The following MSRB3 variants were observed in gnomAD, a reference collection of about 807,000 sequenced individuals.
MSRB3 encodes methionine sulfoxide reductase B3, also known as methionine-R-sulfoxide reductase B3.
MSRB3 carries 13 observed loss-of-function variants against 21.0 expected under a neutral mutation model. The observed-to-expected ratio is 0.62, with a 90% CI of 0.40 to 0.98. MSRB3 has a LOEUF of 0.98. Ranked by LOEUF, MSRB3 falls within the 50% of genes least tolerant of loss-of-function variation. The pLI is 0.00. For synonymous variants in MSRB3, 87 were observed against 88.6 expected (o/e 0.98, Z 0.10); for missense variants, 199 against 230.3 (o/e 0.86, Z 0.88).
intron 5 of MSRB3, among the ~76,000 whole-genome samples, chr12:65,381,276 A>G (rs1172958210): frequency 6.6e-6 from 1 of 152,162 alleles, no homozygotes; most frequent in Non-Finnish European, 1.5e-5. Flanking sequence ...AGGAGGTGAA[A>G]GTACTTACCT....
intron 1 of MSRB3, among the ~76,000 whole-genome samples, chr12:65,301,353 G>C (rs960529141): frequency 1.3e-5 from 2 of 152,146 alleles, no homozygotes; most frequent in Non-Finnish European, 2.9e-5. Flanking sequence ...GTTGGTGCTA[G>C]ACCTTTGTAT....
chr12:65,326,938 A>C lies in MSRB3; in HGVS notation c.185+4A>C, dbSNP rs1207580059. The stretch of plus-strand genomic sequence containing the variant: ...CTCAGGAGAAAGGGACCGAAAGGTA[A>C]GGTGAGCTTTAATAAAAAGTCATTA... On this transcript the variant is annotated splice_donor_region_variant and intron_variant, in intron 3 of 6. Coordinates refer to ENST00000308259, the MANE Select transcript of MSRB3 (RefSeq NM_001031679.3). 1 of 1,608,676 alleles carries C rather than the reference A, an allele frequency of 6.2e-7. No individual in the cohort carries two copies. The highest frequency in any genetic ancestry group is 8.5e-7 in the Non-Finnish European group (1 of 1,175,740).
intron 1 of MSRB3, among the ~76,000 whole-genome samples, chr12:65,291,763 A>T (rs1341924468): frequency 1.3e-5 from 2 of 152,132 alleles, no homozygotes; most frequent in Non-Finnish European, 2.9e-5. Flanking sequence ...AGCAAGAGAG[A>T]GCATGGTTAG....
At chr12:65,335,128 A>G (rs148431314) in intron 4 of MSRB3, among the ~76,000 whole-genome samples, 1 of 152,310 alleles carries the variant, frequency 6.6e-6, no homozygotes, top group African/African-American at 2.4e-5. Context: ...AATGGGGTAA[A>G]TAACACCAAA....
Position 65,454,983 on chromosome 12 carries a change from T to C in MSRB3, c.390+1158T>C, listed in dbSNP as rs114322536. ...ATGTAAAGTCTGCAATATTGTGGCA[T>C]TGAAAGTTATTGACACCACAGGGTA... On this transcript the variant is annotated intron_variant, in intron 6 of 6. Coordinates refer to ENST00000308259, the MANE Select transcript of MSRB3 (RefSeq NM_001031679.3). Among the ~76,000 whole-genome samples the C allele has an allele frequency of 3.3e-3, 505 of 152,320 alleles. 2 individuals carry two copies. Among genetic ancestry groups the C allele is most frequent in the African/African-American group, 0.011 (466 of 41,572 alleles).
chr12:65,349,978 C>T (rs1876825754), intron 4 of MSRB3, among the ~76,000 whole-genome samples: 2 of 152,132 alleles, frequency 1.3e-5, no homozygotes, highest in Middle Eastern at 3.4e-3. Context: ...ACATGACGTC[C>T]TTGCCCATGC....
chr12:65,347,629 A>G (rs1370242163), intron 4 of MSRB3, among the ~76,000 whole-genome samples: 1 of 152,198 alleles, frequency 6.6e-6, no homozygotes, highest in African/African-American at 2.4e-5. Context: ...TATGTTGAAT[A>G]GGAGTGGTGA....
rs1881922595 is a variant in MSRB3, at chr12:65,432,419, GA to G, written c.293-21308del. On this transcript the variant is annotated intron_variant, in intron 5 of 6. Transcript: ENST00000308259. ...AAATTTTAAAAGGGGGGAAAAGCTTGATGGTTCCACAAAAAATAAGAGTTGA... is the reference window on the plus strand; with the variant it reads ...AAATTTTAAAAGGGGGGAAAAGCTTGTGGTTCCACAAAAAATAAGAGTTGA... 3.9e-5 allele frequency among the ~76,000 whole-genome samples: 6 copies of G among 152,076 alleles called. No individual in the cohort carries two copies. In the South Asian group the frequency reaches 1.0e-3, roughly 26 times the overall value.
chr12:65,351,993 G>A (rs1185219032), intron 4 of MSRB3, among the ~76,000 whole-genome samples: 2 of 151,684 alleles, frequency 1.3e-5, no homozygotes, highest in Non-Finnish European at 2.9e-5. Flanking sequence ...TACCAAAGCC[G>A]GACAGAGACA....
intron 4 of MSRB3, among the ~76,000 whole-genome samples, chr12:65,342,852 A>G (rs966912301): frequency 1.3e-5 from 2 of 152,074 alleles, no homozygotes; most frequent in African/African-American, 4.8e-5. Context: ...GAGTATTAAC[A>G]TATGATCCCA....
chr12:65,415,081 C>T (rs1880903124), intron 5 of MSRB3, among the ~76,000 whole-genome samples: 1 of 152,048 alleles, frequency 6.6e-6, no homozygotes, highest in African/African-American at 2.4e-5. Context: ...GGATCAGAGT[C>T]AGCCTGGGGG....
At chr12:65,437,539 A>G (rs531786945) in intron 5 of MSRB3, among the ~76,000 whole-genome samples, 2 of 151,956 alleles carry the variant, frequency 1.3e-5, no homozygotes, top group Admixed American at 6.6e-5. Context: ...ATAACAACAT[A>G]TCTAAGTGAG....
chr12:65,321,549 A>G (rs1383346345), intron 2 of MSRB3, among the ~76,000 whole-genome samples: 2 of 152,184 alleles, frequency 1.3e-5, no homozygotes, highest in African/African-American at 4.8e-5. Flanking sequence ...TTTGAGAGAA[A>G]AATCAGAATT....
intron 5 of MSRB3, among the ~76,000 whole-genome samples, chr12:65,375,666 T>A (rs1005477214): frequency 1.3e-5 from 2 of 152,080 alleles, no homozygotes; most frequent in Non-Finnish European, 2.9e-5. Context: ...CTCAAACTCC[T>A]GGCTTCAAGC....
At chr12:65,368,973 G>A (rs1272686096) in intron 4 of MSRB3, 25 bp from the exon 5 acceptor site, 1 of 1,086,710 alleles carries the variant, frequency 9.2e-7, no homozygotes, top group Admixed American at 2.2e-5. Context: ...TTTTTATATT[G>A]TAAAAACTTT....
intron 2 of MSRB3, among the ~76,000 whole-genome samples, chr12:65,311,331 A>G (rs1156615690): frequency 6.6e-6 from 1 of 152,118 alleles, no homozygotes; most frequent in Admixed American, 6.6e-5. Flanking sequence ...TTGAAAAATG[A>G]GTTGACTAGA....
chr12:65,345,571 A>G lies in MSRB3; in HGVS notation c.263+16968A>G. 1.3e-5 allele frequency among the ~76,000 whole-genome samples: 2 copies of G among 151,958 alleles called. 1 individual carries two copies. The highest frequency in any genetic ancestry group is 2.9e-5 in the Non-Finnish European group (2 of 67,922). ...CACGTAGGAAATGCTAAAGTAGATAAGGAAGATCTTTTTTTTATTATTATT... is the reference window on the plus strand; with the variant it reads ...CACGTAGGAAATGCTAAAGTAGATAGGGAAGATCTTTTTTTTATTATTATT... On this transcript the variant is annotated intron_variant, in intron 4 of 6. Transcript: ENST00000308259.
At chr12:65,419,172 G>T in intron 5 of MSRB3, 1 of 693,288 alleles carries the variant, frequency 1.4e-6, no homozygotes. Flanking sequence ...CCAACTGCAT[G>T]GTGACCACTG....
At chr12:65,389,988 C>G (rs1039857934) in intron 5 of MSRB3, among the ~76,000 whole-genome samples, 4 of 152,170 alleles carry the variant, frequency 2.6e-5, no homozygotes, top group African/African-American at 9.7e-5. Context: ...ATCATCTTGC[C>G]TCCTATTTCA....
Sources: allele counts gnomAD v4.1 joint callset (sites outside exome capture counted in the v4.1 genomes callset), GRCh38; gene constraint gnomAD v4.1.1; transcripts MANE v1.5; gene names NCBI Gene and HGNC (gene_info 2026-07-23, HGNC 2026-07-21).